The following CLUAP1 variants were observed in gnomAD, a reference collection of about 807,000 sequenced individuals.
CLUAP1 encodes the protein intraflagellar transport 38, also known as clusterin-associated protein 1.
Under a neutral mutation model 55.0 loss-of-function variants are expected in CLUAP1, and 50 were observed. The observed-to-expected ratio is 0.91, with a 90% CI of 0.72 to 1.15. CLUAP1 has a LOEUF of 1.15. Ranked by LOEUF, CLUAP1 falls within the 50% of genes most tolerant of loss-of-function variation. CLUAP1 has a pLI of 0.00. For missense variants in CLUAP1, 530 were observed against 507.6 expected (o/e 1.04, Z -0.42); for synonymous variants, 195 against 175.4 (o/e 1.11, Z -0.88).
At chr16:3,496,500 A>C, upstream of CLUAP1, 1 of 638,100 alleles carries the variant, frequency 1.6e-6, no homozygotes, top group Non-Finnish European at 2.9e-6. Flanking sequence ...GCCCAAACTT[A>C]AGGTGTGTGC....
chr16:3,529,756 TA>T (rs2038063375), intron 9 of CLUAP1, among the ~76,000 whole-genome samples: 1 of 52,054 alleles, frequency 1.9e-5, no homozygotes, highest in Admixed American at 3.7e-4. Flanking sequence ...ATATATTATA[TA>T]ATATATATTA....
rs1426324390 is a variant in CLUAP1, at chr16:3,506,319, C to A, written c.135-12C>A. The stretch of plus-strand genomic sequence containing the variant: ...GTTAACCCGTGCTCTCTCCTCTTAC[C>A]TCTCTTGATAGATATGAGCCCCAGA... On this transcript the variant is annotated splice_polypyrimidine_tract_variant and intron_variant, in intron 2 of 11. Transcript: ENST00000576634. 3 of 1,610,190 alleles carry A rather than the reference C, an allele frequency of 1.9e-6. No homozygotes were observed. Among genetic ancestry groups the A allele is most frequent in the Non-Finnish European group, 2.6e-6 (3 of 1,176,472 alleles).
At chr16:3,508,569 C>T (rs1024000308) in intron 4 of CLUAP1, 101 bp downstream of exon 4, 3 of 1,060,838 alleles carry the variant, frequency 2.8e-6, no homozygotes, top group Non-Finnish European at 3.9e-6. Flanking sequence ...TCTTCCTCCT[C>T]AGCTGAGGGC....
At position 3,530,793 on chromosome 16, in the gene CLUAP1, A is replaced by G. The variant is rs895132040; in HGVS notation, c.1036+118A>G. 4.4e-6 allele frequency: 3 copies of G among 688,600 alleles called. No individual in the cohort carries two copies. In the African/African-American group the frequency reaches 5.4e-5, roughly 12 times the overall value. 42.7% of individuals were successfully genotyped at this position (688,600 alleles called of 1,614,324 possible). Reference sequence around the variant, plus strand: ...CACAAGCGTGCTGCGAATGGCCCCTAGAAGCAGCTCTTGCTCAGGTTTATC... The same window carrying G: ...CACAAGCGTGCTGCGAATGGCCCCTGGAAGCAGCTCTTGCTCAGGTTTATC... On this transcript the variant is annotated intron_variant, in intron 10 of 11. Transcript: ENST00000576634.
At chr16:3,517,378 C>A (rs2037748775) in intron 6 of CLUAP1, among the ~76,000 whole-genome samples, 1 of 152,158 alleles carries the variant, frequency 6.6e-6, no homozygotes, top group African/African-American at 2.4e-5. Context: ...GCCATCTCAG[C>A]TCACTGCAAT....
intron 6 of CLUAP1, among the ~76,000 whole-genome samples, chr16:3,517,132 T>TC (rs1445960078): frequency 6.6e-6 from 1 of 151,294 alleles, no homozygotes; most frequent in East Asian, 1.9e-4. Context: ...TTTTTTCTTT[T>TC]TTTTTTTTTT....
Position 3,526,439 on chromosome 16 carries a change from C to A in CLUAP1, c.883C>A (p.Gln295Lys). 5.6e-6 allele frequency: 9 copies of A among 1,608,016 alleles called. No homozygotes were observed. The highest frequency in any genetic ancestry group is 7.6e-6 in the Non-Finnish European group (9 of 1,178,426). ...AGCTAAAAACACTCTCTGCCTGATA[C>A]AGAACAAGCTCAAGGAGGAAGAGAA... Reference protein sequence around the residue: ...EEAKNTLCLIQNKLKEEEKRL... With the variant: ...EEAKNTLCLIKNKLKEEEKRL... The change falls in exon 9 of 12, where the codon CAG (glutamine) becomes AAG (lysine). Residue 295 changes from glutamine to lysine, a missense_variant. Physicochemically the swap from Gln to Lys is moderately conservative, Grantham distance 53. Coordinates refer to ENST00000576634, the MANE Select transcript of CLUAP1 (RefSeq NM_015041.3).
intron 6 of CLUAP1, 94 bp from the exon 7 acceptor site, chr16:3,519,809 A>T (rs1459020168): frequency 7.9e-7 from 1 of 1,259,142 alleles, no homozygotes; most frequent in East Asian, 2.5e-5. Flanking sequence ...GTTGAGCATA[A>T]TGTTGCTATG....
In CLUAP1 at chr16:3,524,575, C is replaced by T. The variant is rs770521152; in HGVS notation, c.855+1276C>T. On this transcript the variant is annotated intron_variant, in intron 8 of 11. Transcript: ENST00000576634. ...TTGCGCCACTGCACTCTAGCCTGGG[C>T]GACAGAGCAAGACACCATCTCAAAA... 1.0e-3 allele frequency among the ~76,000 whole-genome samples: 119 copies of T among 117,696 alleles called. 1 individual carries two copies. Among genetic ancestry groups the T allele is most frequent in the Non-Finnish European group, 8.0e-4 (50 of 62,880 alleles). The allele number at this position is 117,696 out of a possible 152,430, so 77.2% of individuals were successfully genotyped here. A position where few individuals can be genotyped will look rare whatever the true frequency, so the allele number is the denominator to read the frequency against.
intron 6 of CLUAP1, among the ~76,000 whole-genome samples, chr16:3,516,267 G>A (rs927715211): frequency 5.3e-5 from 8 of 152,154 alleles, no homozygotes; most frequent in Admixed American, 3.3e-4. Flanking sequence ...CAGTAGACAC[G>A]GATGAGGGCC....
intron 4 of CLUAP1, 87 bp from the exon 5 acceptor site, chr16:3,512,296 G>C (rs1445115698): frequency 2.8e-5 from 28 of 984,672 alleles, no homozygotes; most frequent in Non-Finnish European, 4.4e-5. Flanking sequence ...AGGAGTTAGA[G>C]AGCAGCCTGG....
upstream of CLUAP1, among the ~76,000 whole-genome samples, chr16:3,496,040 C>G (rs997888303): frequency 4.6e-5 from 7 of 152,008 alleles, no homozygotes; most frequent in African/African-American, 1.7e-4. Context: ...ACTCAGGAGG[C>G]TGAGGCAGGA....
intron 4 of CLUAP1, 46 bp from the exon 5 acceptor site, chr16:3,512,337 A>G (rs763773118): frequency 1.4e-6 from 2 of 1,478,580 alleles, no homozygotes; most frequent in Admixed American, 1.7e-5. Context: ...TCTCTATTAA[A>G]AAACATCTGT....
In CLUAP1 at chr16:3,523,209, G is replaced by A. The variant is rs150154906; in HGVS notation, c.765G>A (p.Gln255=). Residue 255 remains glutamine, a synonymous_variant, in exon 8 of 12, where the codon CAG becomes CAA. Coordinates refer to ENST00000576634, the MANE Select transcript of CLUAP1 (RefSeq NM_015041.3). ...YEKTEEELQK[Q]YDTYLEKFQN... is the part of the protein sequence containing the mutation. The stretch of plus-strand genomic sequence containing the variant: ...AGACTGAGGAAGAATTACAAAAGCA[G>A]TATGACACTTATCTGGAGAAATTTC... 17 of 1,613,754 alleles carry A rather than the reference G, an allele frequency of 1.1e-5. No individual in the cohort carries two copies. Among genetic ancestry groups the A allele is most frequent in the Non-Finnish European group, 1.4e-5 (17 of 1,179,930 alleles).
At chr16:3,510,389 C>T (rs576354034) in intron 4 of CLUAP1, among the ~76,000 whole-genome samples, 157 of 152,226 alleles carry the variant, frequency 1.0e-3, no homozygotes, top group Non-Finnish European at 2.0e-3. Context: ...CCTGCCTCGG[C>T]CTCCCGTAGT....
intron 5 of CLUAP1, among the ~76,000 whole-genome samples, chr16:3,513,198 G>C (rs1048333072): frequency 7.2e-5 from 11 of 152,196 alleles, no homozygotes; most frequent in African/African-American, 2.7e-4. Flanking sequence ...CTGAAGCCTG[G>C]CTTTCACTCT....
At position 3,515,605 on chromosome 16, in the gene CLUAP1, G is replaced by A. The variant is rs770596683; in HGVS notation, c.579+14G>A. On this transcript the variant is annotated intron_variant, in intron 6 of 11. Coordinates refer to ENST00000576634, the MANE Select transcript of CLUAP1 (RefSeq NM_015041.3). ...AAAGAGATTTTGGTAAGATGACTTT[G>A]CTTTTATATAATGTTTTTTATGCCT... 1 of 1,553,434 alleles carries A rather than the reference G, an allele frequency of 6.4e-7. No homozygotes were observed. The highest frequency in any genetic ancestry group is 1.2e-5 in the South Asian group (1 of 84,172).
chr16:3,503,088 C>G (rs1473210679), intron 1 of CLUAP1, among the ~76,000 whole-genome samples: 2 of 152,032 alleles, frequency 1.3e-5, no homozygotes, highest in African/African-American at 4.8e-5. Flanking sequence ...AATTCTCCTG[C>G]CCCAGCCTCC....
At position 3,512,453 on chromosome 16, in the gene CLUAP1, T is replaced by G. The variant is rs2037647336; in HGVS notation, c.470T>G (p.Leu157Trp). The G allele has an allele frequency of 2.5e-6, 4 of 1,613,988 alleles. No homozygotes were observed. Among genetic ancestry groups the G allele is most frequent in the Non-Finnish European group, 3.4e-6 (4 of 1,179,852 alleles). The change falls in exon 5 of 12, where the codon TTG (leucine) becomes TGG (tryptophan). Residue 157 changes from leucine (L) to tryptophan (W), a missense_variant. Transcript: ENST00000576634. ...TCCAAAGGAGCATCTCTGTATGACT[T>G]GCTCGGCATGGAAGTAGAGTTGAGG... Reference protein sequence around the residue: ...ITSKGASLYDLLGMEVELREM... With the variant: ...ITSKGASLYDWLGMEVELREM...
Sources: gnomAD v4.1 joint callset for allele counts (sites outside exome capture counted in the v4.1 genomes callset) on GRCh38, gnomAD v4.1.1 for gene constraint, MANE v1.5 for transcripts, NCBI Gene and HGNC (gene_info 2026-07-23, HGNC 2026-07-21) for gene names.